RIMS1: variants seen among roughly 807,000 people sequenced by gnomAD.
RIMS1 encodes regulating synaptic membrane exocytosis protein 1.
A neutral mutation model predicts 214.1 loss-of-function variants in RIMS1; 83 were observed. That is an observed-to-expected ratio of 0.39 (90% confidence interval 0.32 to 0.47). RIMS1 has a LOEUF of 0.47. RIMS1 is among the 20% of genes least tolerant of loss of function. The pLI is 0.99. For synonymous variants in RIMS1, 793 were observed against 786.8 expected (o/e 1.01, Z -0.13); for missense variants, 2,050 against 2,161.8 (o/e 0.95, Z 1.03).
intron 2 of RIMS1, among the ~76,000 whole-genome samples, chr6:72,048,041 C>G (rs1425321218): frequency 6.6e-6 from 1 of 152,118 alleles, no homozygotes; most frequent in Admixed American, 6.6e-5. Context: ...GGAACACAAA[C>G]TGAACAAAGC....
intron 23 of RIMS1, among the ~76,000 whole-genome samples, chr6:72,275,791 C>T (rs1412917591): frequency 6.6e-6 from 1 of 152,136 alleles, no homozygotes; most frequent in Non-Finnish European, 1.5e-5. Context: ...TATTGCTACT[C>T]ATTTATTCAA....
At position 72,402,107 on chromosome 6, in the gene RIMS1, A is replaced by G. The variant is rs886078509; in HGVS notation, c.*1393A>G. On this transcript the variant is annotated 3_prime_UTR_variant, in exon 34 of 34. Transcript: ENST00000521978. ...GTCACTCCACTTTTGTGATTACACA[A>G]ATAGAGCAGCATGACTTGGAACTGT... 2 of 152,478 alleles carry G rather than the reference A, an allele frequency of 1.3e-5. No homozygotes were observed. Among genetic ancestry groups the G allele is most frequent in the Non-Finnish European group, 2.9e-5 (2 of 68,042 alleles). 9.4% of individuals were successfully genotyped at this position (152,478 alleles called of 1,614,324 possible). A position where few individuals can be genotyped will look rare whatever the true frequency, so the allele number is the denominator to read the frequency against.
At chr6:72,047,504 T>C (rs1162921115) in intron 2 of RIMS1, among the ~76,000 whole-genome samples, 1 of 152,070 alleles carries the variant, frequency 6.6e-6, no homozygotes, top group African/African-American at 2.4e-5. Context: ...CACCTTGTAA[T>C]CTCAAAGCTA....
intron 4 of RIMS1, among the ~76,000 whole-genome samples, chr6:72,120,732 C>A (rs1175747817): frequency 6.6e-6 from 1 of 151,868 alleles, no homozygotes; most frequent in East Asian, 1.9e-4. Context: ...TTGCCCATGC[C>A]TATGTCCTGA....
At chr6:72,240,272 C>T (rs766058916) in intron 9 of RIMS1, among the ~76,000 whole-genome samples, 3 of 152,010 alleles carry the variant, frequency 2.0e-5, no homozygotes, top group Non-Finnish European at 2.9e-5. Flanking sequence ...AAAAGTTATG[C>T]GTCCAGGTTG....
At chr6:72,399,403 AATAG>A (rs1443212552) in intron 33 of RIMS1, among the ~76,000 whole-genome samples, 5 of 152,084 alleles carry the variant, frequency 3.3e-5, no homozygotes, top group Admixed American at 3.3e-4. Context: ...ATAGATGATA[AATAG>A]ATAGATAGAG....
intron 6 of RIMS1, among the ~76,000 whole-genome samples, chr6:72,231,775 G>A (rs2062054044): frequency 6.6e-6 from 1 of 151,558 alleles, no homozygotes; most frequent in Non-Finnish European, 1.5e-5. Flanking sequence ...ATCAGCTTTT[G>A]GTCCTTTGCC....
At chr6:72,318,820 C>G (rs2095978948) in intron 28 of RIMS1, among the ~76,000 whole-genome samples, 1 of 152,120 alleles carries the variant, frequency 6.6e-6, no homozygotes, top group Non-Finnish European at 1.5e-5. Flanking sequence ...ACTTACCGAC[C>G]TGTTTTAGTT....
intron 29 of RIMS1, among the ~76,000 whole-genome samples, chr6:72,366,348 A>G (rs2098018534): frequency 6.6e-6 from 1 of 152,224 alleles, no homozygotes; most frequent in African/African-American, 2.4e-5. Context: ...AAAACCTTTT[A>G]AACAAACTTA....
chr6:72,326,686 G>A lies in RIMS1; in HGVS notation c.4131-6914G>A, dbSNP rs1267520395. Among the ~76,000 whole-genome samples, 6 of 151,686 alleles carry A rather than the reference G, an allele frequency of 4.0e-5. No homozygotes were observed. The East Asian group carries it at 1.2e-3, about 30-fold the overall frequency. On this transcript the variant is annotated intron_variant, in intron 28 of 33. Coordinates refer to ENST00000521978, the MANE Select transcript of RIMS1 (RefSeq NM_014989.7). ...CCATACCCCCATTCCAGAATTACTT[G>A]GTCTGATAGGCAGAACAATGTGCCC...
intron 29 of RIMS1, among the ~76,000 whole-genome samples, chr6:72,383,757 T>C (rs2098537421): frequency 6.6e-6 from 1 of 151,950 alleles, no homozygotes; most frequent in Non-Finnish European, 1.5e-5. Flanking sequence ...ACCACTGCAC[T>C]CCAGCCTAGT....
chr6:72,172,162 G>A (rs1345931593), intron 4 of RIMS1, among the ~76,000 whole-genome samples: 4 of 151,586 alleles, frequency 2.6e-5, no homozygotes, highest in Non-Finnish European at 4.4e-5. Context: ...TAACAAACAC[G>A]GAAAACATTC....
chr6:72,330,504 G>T (rs2096622668), intron 28 of RIMS1, among the ~76,000 whole-genome samples: 1 of 151,602 alleles, frequency 6.6e-6, no homozygotes, highest in South Asian at 2.1e-4. Flanking sequence ...ATGGGAAGGG[G>T]GCTGTAGCAG....
At chr6:72,379,594 G>T (rs2098451083) in intron 29 of RIMS1, among the ~76,000 whole-genome samples, 1 of 152,226 alleles carries the variant, frequency 6.6e-6, no homozygotes, top group South Asian at 2.1e-4. Flanking sequence ...TCTACTTGAA[G>T]ATGTAATCTG....
intron 4 of RIMS1, among the ~76,000 whole-genome samples, chr6:72,168,452 G>A (rs190415310): frequency 2.4e-3 from 358 of 152,312 alleles, no homozygotes; most frequent in Non-Finnish European, 3.8e-3. Context: ...CTAAGGTCTT[G>A]TGTCCCTTCT....
intron 2 of RIMS1, 124 bp downstream of exon 2, chr6:71,969,187 G>C (rs1583743621): frequency 1.1e-6 from 1 of 916,352 alleles, no homozygotes; most frequent in East Asian, 2.5e-5. Context: ...TAACAAAAAG[G>C]CTACTGTTGA....
intron 6 of RIMS1, chr6:72,213,248 A>C (rs1046402195): frequency 6.2e-5 from 94 of 1,522,460 alleles, no homozygotes; most frequent in Non-Finnish European, 7.9e-5. Context: ...TGGTAATCCC[A>C]CTTCATTTTG....
chr6:72,060,110 G>T (rs1359832910), intron 2 of RIMS1, among the ~76,000 whole-genome samples: 2 of 150,530 alleles, frequency 1.3e-5, no homozygotes, highest in African/African-American at 2.4e-5. Flanking sequence ...AGCTAATTTT[G>T]ATTATTATTA....
At chr6:72,169,737 C>T (rs2046766271) in intron 4 of RIMS1, among the ~76,000 whole-genome samples, 1 of 152,032 alleles carries the variant, frequency 6.6e-6, no homozygotes, top group African/African-American at 2.4e-5. Context: ...AAGCCTGTCT[C>T]TACCAAAAAA....
Sources: allele counts gnomAD v4.1 joint callset (sites outside exome capture counted in the v4.1 genomes callset), GRCh38; gene constraint gnomAD v4.1.1; transcripts MANE v1.5; gene names NCBI Gene and HGNC (gene_info 2026-07-23, HGNC 2026-07-21).